The following SLC4A8 variants were observed in gnomAD, a reference collection of about 807,000 sequenced individuals.
The protein encoded by SLC4A8 is solute carrier family 4 member 8.
In SLC4A8, 40 loss-of-function variants were observed where a neutral mutation model predicts 125.0. The observed-to-expected ratio is 0.32, with a 90% confidence interval of 0.25 to 0.42. SLC4A8 has a LOEUF of 0.42. SLC4A8 is among the 10% of genes least tolerant of loss of function. The pLI, the probability that SLC4A8 is intolerant of heterozygous loss-of-function variation, is 1.00. For synonymous variants in SLC4A8, 456 were observed against 476.0 expected, an observed-to-expected ratio of 0.96 and a Z score of 0.55; for missense variants, 863 against 1,355.1, an observed-to-expected ratio of 0.64 and a Z score of 5.70.
intron 5 of SLC4A8, among the ~76,000 whole-genome samples, chr12:51,454,610 A>G (rs1190506334): frequency 1.2e-5 from 1 of 82,400 alleles, no homozygotes; most frequent in Non-Finnish European, 2.4e-5. Flanking sequence ...AGATATGCAT[A>G]CACATAAACA....
chr12:51,459,443 A>G (rs1317079512), intron 7 of SLC4A8, among the ~76,000 whole-genome samples: 2 of 151,908 alleles, frequency 1.3e-5, no homozygotes, highest in Admixed American at 1.3e-4. Context: ...GGTTTCAAAT[A>G]CTTCATTTTT....
In SLC4A8 at chr12:51,429,779, G is replaced by A. The variant is rs192177153; in HGVS notation, c.48+4744G>A. Among the ~76,000 whole-genome samples, 1,093 of 152,018 alleles carry A rather than the reference G, an allele frequency of 7.2e-3. 7 individuals are homozygous for A. The highest frequency in any genetic ancestry group is 0.012 in the Non-Finnish European group (808 of 67,990). Reference sequence around the variant, plus strand: ...ACCCCTCGGCCTCCTGAAGTGCTGGGATTATAGGCATGACCACCACGCCCA... The same window carrying A: ...ACCCCTCGGCCTCCTGAAGTGCTGGAATTATAGGCATGACCACCACGCCCA... On this transcript the variant is annotated intron_variant, in intron 1 of 24. Transcript: ENST00000453097.
At position 51,470,494 on chromosome 12, in the gene SLC4A8, G is replaced by A; in HGVS notation, c.1627G>A (p.Val543Met). Residue 543 changes from valine (V) to methionine (M), a missense_variant, in exon 13 of 25, where the codon GTG becomes ATG. Val to Met is a conservative substitution (Grantham distance 21). Coordinates refer to ENST00000453097, the MANE Select transcript of SLC4A8 (RefSeq NM_001039960.3). ...TILGSTGPVLVFEKILFKFCK... is the reference protein window; with the variant it reads ...TILGSTGPVLMFEKILFKFCK... ...CCTGGGAAGTACTGGACCAGTGCTT[G>A]TGTTTGAAAAGATTTTGTTCAAATT... 1 of 1,613,628 alleles carries A rather than the reference G, an allele frequency of 6.2e-7. No homozygotes were observed. Among genetic ancestry groups the A allele is most frequent in the Non-Finnish European group, 8.5e-7 (1 of 1,179,558 alleles).
chr12:51,424,066 C>CCAA (rs67807804), upstream of SLC4A8, among the ~76,000 whole-genome samples: 18 of 106,234 alleles, frequency 1.7e-4, 1 homozygote, highest in East Asian at 8.8e-4. Context: ...AAAAAAACAA[C>CCAA]AAAAAAAAAA....
intron 16 of SLC4A8, chr12:51,480,107 A>AT (rs2138356635): frequency 2.6e-6 from 1 of 387,690 alleles, no homozygotes; most frequent in African/African-American, 2.2e-5. Context: ...CAGCCAGCTA[A>AT]TTTTTGTATT....
intron 17 of SLC4A8, among the ~76,000 whole-genome samples, chr12:51,488,475 C>A (rs529500542): frequency 4.6e-5 from 7 of 151,946 alleles, no homozygotes; most frequent in Non-Finnish European, 7.4e-5. Context: ...TCCTGCAAAC[C>A]CAAGAATTTC....
intron 1 of SLC4A8, among the ~76,000 whole-genome samples, chr12:51,392,597 AAAG>A (rs1412230002): frequency 1.3e-5 from 2 of 151,608 alleles, no homozygotes; most frequent in African/African-American, 4.8e-5. Flanking sequence ...GAAAAAAAGA[AAAG>A]AAAAGAAAAG....
chr12:51,411,750 G>C lies in SLC4A8; in HGVS notation c.-112+20262G>C, dbSNP rs1002164796. On this transcript the variant is annotated intron_variant, in intron 1 of 24. Transcript: ENST00000358657. ...GTCTTCTGCAGTGTCAGTTGAAAGA[G>C]CTGCTTAAGTGTTTAAGAAGTTCTA... Among the ~76,000 whole-genome samples the C allele has an allele frequency of 2.6e-5, 4 of 152,088 alleles. No homozygotes were observed. In the East Asian group the frequency reaches 7.7e-4, roughly 29 times the overall value.
intron 1 of SLC4A8, among the ~76,000 whole-genome samples, chr12:51,394,259 G>T (rs1030432524): frequency 6.6e-6 from 1 of 152,264 alleles, no homozygotes; most frequent in African/African-American, 2.4e-5. Flanking sequence ...CATTCCGGAA[G>T]CAAATTACTC....
intron 16 of SLC4A8, chr12:51,480,010 G>A (rs1017676481): frequency 3.6e-5 from 12 of 336,148 alleles, no homozygotes; most frequent in South Asian, 8.8e-5. Context: ...TTGCTCTGTC[G>A]CCTGGCTGGA....
chr12:51,499,050 G>C (rs182834071), intron 22 of SLC4A8, among the ~76,000 whole-genome samples: 1 of 150,146 alleles, frequency 6.7e-6, no homozygotes, highest in South Asian at 2.1e-4. Context: ...GTATGTTGGC[G>C]CATGCCTATA....
At chr12:51,460,180 C>CTT (rs1325384215) in intron 8 of SLC4A8, 72 bp downstream of exon 8, 5 of 1,148,024 alleles carry the variant, frequency 4.4e-6, no homozygotes, top group Non-Finnish European at 5.3e-6. Flanking sequence ...GAAGAAACCA[C>CTT]TTAATACTGA....
chr12:51,468,425 C>G (rs116276939), intron 11 of SLC4A8, among the ~76,000 whole-genome samples: 2,243 of 152,298 alleles, frequency 0.015, 72 homozygotes, highest in African/African-American at 0.052. Context: ...TATAGTTCTT[C>G]AGTAACTTGA....
At chr12:51,396,921 G>A (rs1157311008) in intron 1 of SLC4A8, among the ~76,000 whole-genome samples, 2 of 118,784 alleles carry the variant, frequency 1.7e-5, no homozygotes, top group East Asian at 5.1e-4. Flanking sequence ...TTCAGCCTTA[G>A]TTAATTTTTT....
intron 1 of SLC4A8, chr12:51,403,084 A>T: frequency 5.4e-6 from 2 of 368,090 alleles, no homozygotes; most frequent in South Asian, 1.9e-5. Context: ...ACAATTATAT[A>T]GAGTCTGTTG....
upstream of SLC4A8, among the ~76,000 whole-genome samples, chr12:51,421,726 TC>T (rs1213890930): frequency 1.3e-5 from 2 of 152,176 alleles, no homozygotes; most frequent in Non-Finnish European, 2.9e-5. Flanking sequence ...GCCTCAGGTT[TC>T]CCCCTCTAAT....
intron 2 of SLC4A8, among the ~76,000 whole-genome samples, chr12:51,445,350 TA>T (rs1041073571): frequency 6.6e-6 from 1 of 152,084 alleles, no homozygotes; most frequent in African/African-American, 2.4e-5. Flanking sequence ...TTATTTTTTA[TA>T]GAGGTGGAAT....
intron 1 of SLC4A8, among the ~76,000 whole-genome samples, chr12:51,437,348 T>C (rs1949452778): frequency 6.6e-6 from 1 of 152,182 alleles, no homozygotes; most frequent in Admixed American, 6.5e-5. Context: ...CCACCAAATA[T>C]GTTGAAATGT....
At chr12:51,417,452 T>A (rs1948707090) in intron 1 of SLC4A8, among the ~76,000 whole-genome samples, 1 of 152,082 alleles carries the variant, frequency 6.6e-6, no homozygotes, top group Admixed American at 6.5e-5. Context: ...GTTCAAGCGA[T>A]TCTCCCACGT....
Sources: allele counts gnomAD v4.1 joint callset (sites outside exome capture counted in the v4.1 genomes callset), GRCh38; gene constraint gnomAD v4.1.1; transcripts MANE v1.5; gene names NCBI Gene and HGNC (gene_info 2026-07-23, HGNC 2026-07-21).